ZNF385D: variants seen among roughly 807,000 people sequenced by gnomAD.
The protein encoded by ZNF385D is zinc finger protein 659.
Under a neutral mutation model 35.8 loss-of-function variants are expected in ZNF385D, and 15 were observed. That is an observed-to-expected ratio of 0.42 (90% CI 0.28 to 0.64). The LOEUF (loss-of-function observed/expected upper bound fraction) is 0.64, where lower values mean the gene tolerates loss of function less well. Ranked by LOEUF, ZNF385D falls within the 30% of genes least tolerant of loss-of-function variation. ZNF385D has a pLI of 0.23. For synonymous variants in ZNF385D, 212 were observed against 186.8 expected (o/e 1.13, Z -1.10); for missense variants, 474 against 494.6 (o/e 0.96, Z 0.39).
At chr3:21,704,447 T>C (rs1242593590) in intron 1 of ZNF385D, among the ~76,000 whole-genome samples, 1 of 152,122 alleles carries the variant, frequency 6.6e-6, no homozygotes, top group East Asian at 1.9e-4. Flanking sequence ...TACTATCCCT[T>C]TCCCTACCCC....
intron 3 of ZNF385D, among the ~76,000 whole-genome samples, chr3:22,076,633 G>A (rs778336261): frequency 2.6e-4 from 40 of 151,890 alleles, no homozygotes; most frequent in South Asian, 6.2e-4. Context: ...GGACACGTCT[G>A]TGGTTCATAG....
chr3:22,143,689 A>C (rs1449052812), intron 3 of ZNF385D, among the ~76,000 whole-genome samples: 1 of 152,204 alleles, frequency 6.6e-6, no homozygotes, highest in African/African-American at 2.4e-5. Flanking sequence ...ATGAACATCA[A>C]CATATTAACA....
intron 3 of ZNF385D, among the ~76,000 whole-genome samples, chr3:22,095,446 T>TA (rs1397081828): frequency 6.6e-6 from 1 of 152,024 alleles, no homozygotes; most frequent in East Asian, 1.9e-4. Context: ...ATTATCTACC[T>TA]AGTTTTATTC....
At chr3:21,604,810 GAGA>G (rs1243524900) in intron 2 of ZNF385D, among the ~76,000 whole-genome samples, 2 of 152,176 alleles carry the variant, frequency 1.3e-5, no homozygotes, top group Non-Finnish European at 2.9e-5. Context: ...GGGAAGAGAA[GAGA>G]AGGAGAGAAA....
At chr3:21,923,728 C>A (rs892419744) in intron 3 of ZNF385D, among the ~76,000 whole-genome samples, 2 of 152,068 alleles carry the variant, frequency 1.3e-5, no homozygotes, top group African/African-American at 2.4e-5. Flanking sequence ...CAGTTGGAGT[C>A]CATTATCATA....
chr3:22,263,521 T>C (rs1236945454), intron 2 of ZNF385D, among the ~76,000 whole-genome samples: 2 of 152,036 alleles, frequency 1.3e-5, no homozygotes, highest in Non-Finnish European at 2.9e-5. Flanking sequence ...ATGGATGCAA[T>C]ATTATACATT....
intron 3 of ZNF385D, among the ~76,000 whole-genome samples, chr3:22,019,681 A>C (rs1006032384): frequency 2.0e-5 from 3 of 151,972 alleles, no homozygotes; most frequent in African/African-American, 7.2e-5. Flanking sequence ...AATATCCCCC[A>C]AAGTTCTGGT....
intron 2 of ZNF385D, among the ~76,000 whole-genome samples, chr3:22,199,169 G>A (rs1249792602): frequency 6.6e-6 from 1 of 151,912 alleles, no homozygotes; most frequent in African/African-American, 2.4e-5. Context: ...CATTGTTTTT[G>A]CCATTTTAAG....
At chr3:22,031,150 G>A (rs1264733545) in intron 3 of ZNF385D, among the ~76,000 whole-genome samples, 1 of 152,208 alleles carries the variant, frequency 6.6e-6, no homozygotes, top group East Asian at 1.9e-4. Flanking sequence ...TTGAGTGCCT[G>A]CAGCTTTTCC....
At chr3:22,280,803 ATGAT>A (rs1283064702) in intron 2 of ZNF385D, among the ~76,000 whole-genome samples, 2 of 152,148 alleles carry the variant, frequency 1.3e-5, no homozygotes, top group East Asian at 3.9e-4. Flanking sequence ...TCTTTGAGGA[ATGAT>A]TGCGGTATTT....
At chr3:22,012,564 A>G (rs1460911361) in intron 3 of ZNF385D, among the ~76,000 whole-genome samples, 1 of 151,948 alleles carries the variant, frequency 6.6e-6, no homozygotes, top group Non-Finnish European at 1.5e-5. Context: ...AGTCTAATGA[A>G]GAGACCAGAC....
At chr3:21,500,552 T>C (rs1419080549) in intron 4 of ZNF385D, among the ~76,000 whole-genome samples, 2 of 152,298 alleles carry the variant, frequency 1.3e-5, no homozygotes, top group East Asian at 1.9e-4. Context: ...CACATATGCA[T>C]TGGCACACAA....
At chr3:21,794,296 T>C (rs1247337277) in intron 3 of ZNF385D, among the ~76,000 whole-genome samples, 1 of 152,018 alleles carries the variant, frequency 6.6e-6, no homozygotes, top group East Asian at 2.0e-4. Context: ...CTTAGACCAT[T>C]GGGAGCTTCT....
chr3:21,781,065 T>C (rs1001442704), intron 3 of ZNF385D, among the ~76,000 whole-genome samples: 3 of 152,024 alleles, frequency 2.0e-5, no homozygotes, highest in Non-Finnish European at 4.4e-5. Flanking sequence ...TTTTAGTGGA[T>C]TCCCCCAGGC....
intron 2 of ZNF385D, among the ~76,000 whole-genome samples, chr3:22,282,497 C>T (rs1701808603): frequency 6.6e-6 from 1 of 152,034 alleles, no homozygotes; most frequent in Non-Finnish European, 1.5e-5. Flanking sequence ...ACCCAAAGAT[C>T]ATTCAGGAGC....
intron 2 of ZNF385D, among the ~76,000 whole-genome samples, chr3:22,202,839 T>TA (rs1696893545): frequency 6.6e-6 from 1 of 152,066 alleles, no homozygotes; most frequent in Non-Finnish European, 1.5e-5. Flanking sequence ...AAGGGAGCAT[T>TA]TAGATAAGCT....
intron 3 of ZNF385D, among the ~76,000 whole-genome samples, chr3:21,780,271 A>G (rs772186795): frequency 6.6e-6 from 1 of 151,916 alleles, no homozygotes; most frequent in Admixed American, 6.6e-5. Flanking sequence ...ACACATTTCA[A>G]AAGAAAGTAA....
At chr3:21,727,716 G>A (rs1165115643) in intron 1 of ZNF385D, among the ~76,000 whole-genome samples, 1 of 152,160 alleles carries the variant, frequency 6.6e-6, no homozygotes, top group African/African-American at 2.4e-5. Context: ...ACTGTTGGTG[G>A]GAGTATAAAT....
At chr3:21,995,408 T>C (rs1367412244) in intron 3 of ZNF385D, among the ~76,000 whole-genome samples, 1 of 151,948 alleles carries the variant, frequency 6.6e-6, no homozygotes, top group African/African-American at 2.4e-5. Flanking sequence ...CTACAGTGAG[T>C]GAGGCTAGTT....
Sources: allele counts gnomAD v4.1 joint callset (sites outside exome capture counted in the v4.1 genomes callset), GRCh38; gene constraint gnomAD v4.1.1; transcripts MANE v1.5; gene names NCBI Gene and HGNC (gene_info 2026-07-23, HGNC 2026-07-21).